MARCHF1: variants seen among roughly 807,000 people sequenced by gnomAD.
The protein encoded by MARCHF1 is E3 ubiquitin-protein ligase MARCHF1.
A neutral mutation model predicts 54.2 loss-of-function variants in MARCHF1; 40 were observed. The ratio of observed to expected loss-of-function variants is 0.74; its 90% CI spans 0.57 to 0.96. The LOEUF (loss-of-function observed/expected upper bound fraction) is 0.96. Among genes scored for constraint, MARCHF1 ranks in the 40% least tolerant of loss-of-function variants. The pLI, the probability that MARCHF1 is intolerant of heterozygous loss-of-function variation, is 0.00. For synonymous variants in MARCHF1, 236 were observed against 236.3 expected, an observed-to-expected ratio of 1.00 and a Z score of 0.01; for missense variants, 586 against 656.5, an observed-to-expected ratio of 0.89 and a Z score of 1.17.
intron 5 of MARCHF1, among the ~76,000 whole-genome samples, chr4:163,618,081 G>T (rs920550868): frequency 3.9e-5 from 6 of 152,242 alleles, no homozygotes; most frequent in African/African-American, 1.4e-4. Context: ...CAGCCCTTAA[G>T]TATTTTGAAG....
At chr4:163,758,271 C>T (rs536704952) in intron 4 of MARCHF1, among the ~76,000 whole-genome samples, 1 of 152,250 alleles carries the variant, frequency 6.6e-6, no homozygotes, top group Admixed American at 6.5e-5. Context: ...AAGTTACATT[C>T]AGACAAGACA....
At chr4:164,025,542 G>C (rs1224748340) in intron 2 of MARCHF1, among the ~76,000 whole-genome samples, 1 of 151,866 alleles carries the variant, frequency 6.6e-6, no homozygotes, top group Non-Finnish European at 1.5e-5. Flanking sequence ...TAATAAAATT[G>C]GGGACACAAC....
At chr4:163,691,272 G>T (rs1251576451) in intron 5 of MARCHF1, among the ~76,000 whole-genome samples, 1 of 152,166 alleles carries the variant, frequency 6.6e-6, no homozygotes, top group Non-Finnish European at 1.5e-5. Flanking sequence ...GCTATAAGGT[G>T]AATCCCTGGG....
chr4:163,898,822 C>A lies in MARCHF1; in HGVS notation c.-38-44653G>T, dbSNP rs192954820. Reference sequence around the variant, plus strand: ...AACGATTGACTGGATAAAGAAAATGCGGTATATATACACCTTGGAGTATTT... The same window carrying A: ...AACGATTGACTGGATAAAGAAAATGAGGTATATATACACCTTGGAGTATTT... On this transcript the variant is annotated intron_variant, in intron 3 of 9. Coordinates refer to ENST00000514618, the MANE Select transcript of MARCHF1 (RefSeq NM_001394959.1). 9.2e-5 allele frequency among the ~76,000 whole-genome samples: 14 copies of A among 152,108 alleles called. No homozygotes were observed. The East Asian group carries it at 2.7e-3, about 29-fold the overall frequency.
intron 1 of MARCHF1, among the ~76,000 whole-genome samples, chr4:164,186,750 T>C (rs1172877103): frequency 1.3e-5 from 2 of 152,188 alleles, no homozygotes; most frequent in Admixed American, 1.3e-4. Context: ...AGTTCATTCT[T>C]ATCTCCTACC....
intron 3 of MARCHF1, among the ~76,000 whole-genome samples, chr4:163,909,635 T>C (rs1751146898): frequency 1.3e-5 from 2 of 152,210 alleles, no homozygotes; most frequent in Admixed American, 1.3e-4. Flanking sequence ...ATGGCTGAGC[T>C]AAAAATAAAG....
chr4:164,196,988 C>T (rs1731280661), intron 1 of MARCHF1: 2 of 1,603,966 alleles, frequency 1.2e-6, no homozygotes, highest in South Asian at 1.1e-5. Context: ...TCATCATCTT[C>T]TCCCTCATCT....
intron 1 of MARCHF1, among the ~76,000 whole-genome samples, chr4:164,138,824 T>C (rs1756458836): frequency 6.6e-6 from 1 of 152,196 alleles, no homozygotes; most frequent in African/African-American, 2.4e-5. Context: ...GATTAAATTT[T>C]TGTGTAGGCA....
At chr4:163,687,059 A>G (rs1448760957) in intron 5 of MARCHF1, among the ~76,000 whole-genome samples, 6 of 152,186 alleles carry the variant, frequency 3.9e-5, no homozygotes, top group Non-Finnish European at 5.9e-5. Context: ...GGGCAGCCAC[A>G]AAGAGAAATT....
intron 1 of MARCHF1, among the ~76,000 whole-genome samples, chr4:164,352,580 C>T (rs1402815493): frequency 1.2e-4 from 18 of 148,682 alleles, no homozygotes; most frequent in African/African-American, 2.7e-4. Flanking sequence ...TTGTCACCAC[C>T]AGGCCTGCCC....
intron 1 of MARCHF1, among the ~76,000 whole-genome samples, chr4:164,251,783 A>G (rs1733135986): frequency 6.6e-6 from 1 of 152,214 alleles, no homozygotes; most frequent in Non-Finnish European, 1.5e-5. Flanking sequence ...CTGCATGCTA[A>G]TAAATTAAAA....
At chr4:164,241,724 T>C (rs1014760153) in intron 1 of MARCHF1, among the ~76,000 whole-genome samples, 1 of 152,090 alleles carries the variant, frequency 6.6e-6, no homozygotes, top group Non-Finnish European at 1.5e-5. Context: ...ACCGGGTTCA[T>C]CTCCCTAGGG....
intron 8 of MARCHF1, among the ~76,000 whole-genome samples, chr4:163,562,430 A>G (rs1739501748): frequency 6.6e-6 from 1 of 152,112 alleles, no homozygotes; most frequent in South Asian, 2.1e-4. Context: ...ACTATTGACT[A>G]TTCCCGTGTT....
chr4:164,106,145 G>A (rs1385343357), intron 2 of MARCHF1, among the ~76,000 whole-genome samples: 1 of 149,376 alleles, frequency 6.7e-6, no homozygotes, highest in Non-Finnish European at 1.5e-5. Flanking sequence ...TGGAGAAATA[G>A]GAACACTTTT....
chr4:163,725,863 C>G (rs1461781778), intron 4 of MARCHF1, among the ~76,000 whole-genome samples: 1 of 152,152 alleles, frequency 6.6e-6, no homozygotes, highest in African/African-American at 2.4e-5. Flanking sequence ...CAGTTAATGT[C>G]TGTTTTTGTT....
At chr4:164,304,246 G>C (rs1274169827) in intron 1 of MARCHF1, among the ~76,000 whole-genome samples, 1 of 152,138 alleles carries the variant, frequency 6.6e-6, no homozygotes, top group African/African-American at 2.4e-5. Flanking sequence ...CATGAACACA[G>C]AACAAGTTAC....
chr4:164,027,957 A>G (rs915120243), intron 2 of MARCHF1, among the ~76,000 whole-genome samples: 2 of 152,210 alleles, frequency 1.3e-5, no homozygotes, highest in Non-Finnish European at 2.9e-5. Context: ...AAAGACATAC[A>G]AGTGGCCAAC....
intron 5 of MARCHF1, among the ~76,000 whole-genome samples, chr4:163,648,688 TGGAGAAGAAGAA>T (rs1365260612): frequency 6.9e-6 from 1 of 144,440 alleles, no homozygotes; most frequent in Non-Finnish European, 1.5e-5. Flanking sequence ...AAAATTATCA[TGGAGAAGAAGAA>T]GGAGAAGAAA....
At chr4:163,942,539 C>T (rs1050972845) in intron 3 of MARCHF1, among the ~76,000 whole-genome samples, 1 of 152,142 alleles carries the variant, frequency 6.6e-6, no homozygotes, top group African/African-American at 2.4e-5. Context: ...CATGAAAGTG[C>T]ATGTTTAAAA....
Sources: gnomAD v4.1 joint callset for allele counts (sites outside exome capture counted in the v4.1 genomes callset) on GRCh38, gnomAD v4.1.1 for gene constraint, MANE v1.5 for transcripts, NCBI Gene and HGNC (gene_info 2026-07-23, HGNC 2026-07-21) for gene names.